ECPAS: variants seen among roughly 807,000 people sequenced by gnomAD.
ECPAS encodes Ecm29 proteasome adaptor and scaffold.
A neutral mutation model predicts 255.1 loss-of-function variants in ECPAS; 70 were observed. The observed-to-expected ratio is 0.27, with a 90% CI of 0.23 to 0.33. ECPAS has a LOEUF of 0.33. Among genes scored for constraint, ECPAS ranks in the 10% least tolerant of loss-of-function variants. The probability of loss-of-function intolerance (pLI) is 1.00; values close to 1 mark genes in which losing one functional copy is unlikely to be tolerated. For missense variants in ECPAS, 1,817 were observed against 2,206.4 expected (o/e 0.82, Z 3.54); for synonymous variants, 784 against 775.0 (o/e 1.01, Z -0.19).
chr9:111,444,252 A>C (rs1188626028), intron 4 of ECPAS, 126 bp downstream of exon 4: 5 of 601,806 alleles, frequency 8.3e-6, no homozygotes, highest in East Asian at 5.8e-5. Flanking sequence ...AAAAAAAAAA[A>C]CTCATGTTTC....
chr9:111,384,468 T>C (rs2098144736), intron 34 of ECPAS, 54 bp downstream of exon 34: 3 of 1,492,158 alleles, frequency 2.0e-6, no homozygotes, highest in South Asian at 1.1e-5. Flanking sequence ...ATCATTGTCA[T>C]GGTCACCCAG....
chr9:111,442,997 G>A (rs751828816), intron 4 of ECPAS, among the ~76,000 whole-genome samples: 3 of 152,156 alleles, frequency 2.0e-5, no homozygotes, highest in Non-Finnish European at 4.4e-5. Flanking sequence ...TACAAAATCT[G>A]AAACTTTATG....
chr9:111,380,225 T>C (rs2098138899), intron 35 of ECPAS, among the ~76,000 whole-genome samples: 1 of 152,242 alleles, frequency 6.6e-6, no homozygotes, highest in Admixed American at 6.5e-5. Flanking sequence ...AAACATTCAT[T>C]TCCTTGTACC....
intron 2 of ECPAS, among the ~76,000 whole-genome samples, chr9:111,455,223 G>A (rs190312096): frequency 2.6e-5 from 4 of 152,264 alleles, no homozygotes; most frequent in Admixed American, 1.3e-4. Context: ...CATGGTTCAC[G>A]CCTGTAATCC....
At chr9:111,467,413 C>G (rs997654613) in intron 2 of ECPAS, among the ~76,000 whole-genome samples, 3 of 152,136 alleles carry the variant, frequency 2.0e-5, no homozygotes, top group African/African-American at 4.8e-5. Context: ...TCAGAGGATT[C>G]TTTCTGGTTT....
chr9:111,443,224 A>AATCT (rs2098248238), intron 4 of ECPAS, among the ~76,000 whole-genome samples: 1 of 152,202 alleles, frequency 6.6e-6, no homozygotes, highest in Admixed American at 6.5e-5. Context: ...ATTTACAGAT[A>AATCT]AGATTAAGAT....
chr9:111,425,616 T>C lies in ECPAS; in HGVS notation c.1137-120A>G, dbSNP rs988286788. 7 of 1,009,020 alleles carry C rather than the reference T, an allele frequency of 6.9e-6. No individual in the cohort carries two copies. In the African/African-American group the frequency reaches 8.2e-5, roughly 12 times the overall value. The allele number at this position is 1,009,020 out of a possible 1,614,324, so 62.5% of individuals were successfully genotyped here. A position where few individuals can be genotyped will look rare whatever the true frequency, so the allele number is the denominator to read the frequency against. On this transcript the variant is annotated intron_variant, in intron 11 of 49. Coordinates refer to ENST00000684092, the MANE Select transcript of ECPAS (RefSeq NM_001364929.1). Reference sequence around the variant, plus strand: ...AAATAAGTTAAATAATCTATTAAAATACAAAAATTTTTAAAGATGAGCAAA... The same window carrying C: ...AAATAAGTTAAATAATCTATTAAAACACAAAAATTTTTAAAGATGAGCAAA...
intron 24 of ECPAS, among the ~76,000 whole-genome samples, chr9:111,397,418 T>C (rs1349786176): frequency 6.6e-6 from 1 of 152,192 alleles, no homozygotes; most frequent in Non-Finnish European, 1.5e-5. Flanking sequence ...ATTTATGATC[T>C]CTGGAAGCAT....
At chr9:111,391,658 G>A (rs1692504696) in intron 29 of ECPAS, 98 bp downstream of exon 29, 1 of 742,346 alleles carries the variant, frequency 1.3e-6, no homozygotes, top group Admixed American at 2.4e-5. Flanking sequence ...TTTCCTAAGA[G>A]GGTAGAAATC....
chr9:111,484,186 G>A lies in ECPAS; in HGVS notation c.-153C>T. ...CGCGAGGTGAGGGCTGTAGAGCGAG[G>A]CGTTCGGCGGGCCGGGCCCCGGGGA... On this transcript the variant is annotated 5_prime_UTR_variant, in exon 1 of 50. Coordinates refer to ENST00000684092, the MANE Select transcript of ECPAS (RefSeq NM_001364929.1). 7 of 1,484,342 alleles carry A rather than the reference G, an allele frequency of 4.7e-6. No homozygotes were observed. Among genetic ancestry groups the A allele is most frequent in the Non-Finnish European group, 6.3e-6 (7 of 1,119,764 alleles). 91.9% of individuals were successfully genotyped at this position (1,484,342 alleles called of 1,614,324 possible).
intron 3 of ECPAS, among the ~76,000 whole-genome samples, chr9:111,449,997 G>A (rs1000785595): frequency 6.6e-6 from 1 of 152,052 alleles, no homozygotes; most frequent in African/African-American, 2.4e-5. Flanking sequence ...CCCACACTTA[G>A]TCTAAATTAT....
chr9:111,370,432 T>C lies in ECPAS; in HGVS notation c.4974+3A>G. Reference sequence around the variant, plus strand: ...CCAGAACTGAGGATACAGGTGGTATTACCTTCTTGATGAGAGGTATGACAA... The same window carrying C: ...CCAGAACTGAGGATACAGGTGGTATCACCTTCTTGATGAGAGGTATGACAA... On this transcript the variant is annotated splice_donor_region_variant and intron_variant, in intron 45 of 49. Coordinates refer to ENST00000684092, the MANE Select transcript of ECPAS (RefSeq NM_001364929.1). 1 of 1,570,010 alleles carries C rather than the reference T, an allele frequency of 6.4e-7. No homozygotes were observed. Among genetic ancestry groups the C allele is most frequent in the Non-Finnish European group, 8.7e-7 (1 of 1,155,610 alleles).
In ECPAS at chr9:111,420,036, G is replaced by A; in HGVS notation, c.1540C>T (p.Leu514=). Residue 514 remains leucine (L), a synonymous_variant, in exon 16 of 50, where the codon CTA becomes TTA. Coordinates refer to ENST00000684092, the MANE Select transcript of ECPAS (RefSeq NM_001364929.1). ...ACTTACGGATCTCCTGCAGCCAGTA[G>A]CAGCAAATATCTGGAAGGGATATGA... ...SDHIPSRYLL[L]LAAGDPREEV... is the part of the protein sequence containing the mutation. 6.2e-7 allele frequency: 1 copy of A among 1,611,168 alleles called. No homozygotes were observed.
chr9:111,368,885 G>A (rs915347265), intron 46 of ECPAS, 150 bp downstream of exon 46: 6 of 686,958 alleles, frequency 8.7e-6, no homozygotes, highest in Non-Finnish European at 1.3e-5. Context: ...ACAGACTCAT[G>A]TAGACAAAAA....
chr9:111,421,912 C>A lies in ECPAS; in HGVS notation c.1455+9G>T, dbSNP rs143207374. ...TACTACCCAGGCTTTGTAGTTCACA[C>A]GGACCTACCTTTATTAAGTACGAAG... On this transcript the variant is annotated intron_variant, in intron 15 of 49. Coordinates refer to ENST00000684092, the MANE Select transcript of ECPAS (RefSeq NM_001364929.1). 3.1e-6 allele frequency: 5 copies of A among 1,612,352 alleles called. No individual in the cohort carries two copies. The East Asian group carries it at 6.7e-5, about 22-fold the overall frequency.
intron 24 of ECPAS, among the ~76,000 whole-genome samples, chr9:111,404,061 A>G (rs2098180297): frequency 6.7e-6 from 1 of 149,814 alleles, no homozygotes. Context: ...TTCTTGATAA[A>G]AAAGAAAATA....
chr9:111,413,992 T>A lies in ECPAS; in HGVS notation c.1988-6A>T, dbSNP rs747694306. On this transcript the variant is annotated splice_polypyrimidine_tract_variant and splice_region_variant and intron_variant, in intron 19 of 49. Transcript: ENST00000684092. Reference sequence around the variant, plus strand: ...ACAGTACATAACCGGCAAACCTAAATAAGAATTCAGAATCACCTTAAATTT... The same window carrying A: ...ACAGTACATAACCGGCAAACCTAAAAAAGAATTCAGAATCACCTTAAATTT... 3.9e-6 allele frequency: 6 copies of A among 1,556,878 alleles called. No homozygotes were observed. In the Admixed American group the frequency reaches 7.7e-5, roughly 20 times the overall value.
chr9:111,404,092 C>A (rs2098180327), intron 24 of ECPAS, among the ~76,000 whole-genome samples: 1 of 149,438 alleles, frequency 6.7e-6, no homozygotes, highest in South Asian at 2.1e-4. Context: ...ATACCAAAAT[C>A]TATGGGATAC....
At chr9:111,371,886 C>A in intron 42 of ECPAS, 57 bp from the exon 43 acceptor site, 1 of 1,452,062 alleles carries the variant, frequency 6.9e-7, no homozygotes, top group South Asian at 1.2e-5. Context: ...ACTGATTTTT[C>A]TAAACCTGAA....
Sources: gnomAD v4.1 joint callset for allele counts (sites outside exome capture counted in the v4.1 genomes callset) on GRCh38, gnomAD v4.1.1 for gene constraint, MANE v1.5 for transcripts, NCBI Gene and HGNC (gene_info 2026-07-23, HGNC 2026-07-21) for gene names.